The following ROBO1 variants were observed in gnomAD, a reference collection of about 807,000 sequenced individuals.
The protein encoded by ROBO1 is roundabout homolog 1.
In ROBO1, 149 loss-of-function variants were observed where a neutral mutation model predicts 195.9. That is an observed-to-expected ratio of 0.76 (90% CI 0.67 to 0.87). The LOEUF (loss-of-function observed/expected upper bound fraction) is 0.87. ROBO1 is among the 40% of genes least tolerant of loss of function. ROBO1 has a pLI of 0.00. For missense variants in ROBO1, 1,933 were observed against 2,068.3 expected (o/e 0.93, Z 1.27); for synonymous variants, 816 against 733.2 (o/e 1.11, Z -1.82).
chr3:78,825,951 A>G (rs1416645106), intron 4 of ROBO1, among the ~76,000 whole-genome samples: 1 of 152,198 alleles, frequency 6.6e-6, no homozygotes, highest in Non-Finnish European at 1.5e-5. Flanking sequence ...TTACTACTGG[A>G]AGAAAACATT....
chr3:78,944,969 G>A (rs1310152097), intron 3 of ROBO1, among the ~76,000 whole-genome samples: 4 of 152,186 alleles, frequency 2.6e-5, no homozygotes, highest in Non-Finnish European at 4.4e-5. Context: ...TTGGGGAGGG[G>A]TGCCCGCCAT....
intron 3 of ROBO1, among the ~76,000 whole-genome samples, chr3:79,052,649 C>A (rs546713423): frequency 6.6e-6 from 1 of 152,212 alleles, no homozygotes; most frequent in African/African-American, 2.4e-5. Flanking sequence ...AAATTTCTCT[C>A]TTTTGTGCTC....
rs776057714 is a variant in ROBO1 at position 78,938,765 on chromosome 3, T to G, written c.335A>C (p.Lys112Thr). 1.1e-5 allele frequency: 18 copies of G among 1,613,954 alleles called. No homozygotes were observed. The highest frequency in any genetic ancestry group is 8.5e-6 in the Non-Finnish European group (10 of 1,179,884). Residue 112 changes from lysine to threonine, a missense_variant, in exon 4 of 31, where the codon AAA (lysine) becomes ACA (threonine). Around this residue, in one of 3 missense-constraint regions of ROBO1, gnomAD observed 185 missense variants for 159.5 expected, o/e 1.16. Coordinates refer to ENST00000464233, the MANE Select transcript of ROBO1 (RefSeq NM_002941.4). ...CATTCGGTGTGAGCGAGGGTCATCTTTGTCTGTCTCCACTCTCTCTCCCCC... is the reference window on the plus strand; with the variant it reads ...CATTCGGTGTGAGCGAGGGTCATCTGTGTCTGTCTCCACTCTCTCTCCCCC... ...YKGGERVETD[K>T]DDPRSHRMLL...
intron 4 of ROBO1, among the ~76,000 whole-genome samples, chr3:78,780,466 T>C (rs74814739): frequency 6.6e-6 from 1 of 152,114 alleles, no homozygotes; most frequent in Non-Finnish European, 1.5e-5. Flanking sequence ...ATTTTTTTTT[T>C]CATTCCATAT....
At chr3:79,685,073 T>C (rs559601877) in intron 1 of ROBO1, among the ~76,000 whole-genome samples, 1 of 152,330 alleles carries the variant, frequency 6.6e-6, no homozygotes, top group East Asian at 1.9e-4. Flanking sequence ...AGTTTCCGTT[T>C]ATTTGTATAG....
intron 2 of ROBO1, among the ~76,000 whole-genome samples, chr3:79,301,636 T>C (rs2032962729): frequency 6.6e-6 from 1 of 152,198 alleles, no homozygotes; most frequent in Non-Finnish European, 1.5e-5. Context: ...TGGAAACTTC[T>C]AATAAATGTC....
At chr3:79,189,459 T>A (rs961572868) in intron 2 of ROBO1, among the ~76,000 whole-genome samples, 2 of 151,812 alleles carry the variant, frequency 1.3e-5, no homozygotes, top group Non-Finnish European at 2.9e-5. Context: ...TCTATGCTGC[T>A]GCTCCTAAGA....
chr3:78,862,317 T>C (rs1309525760), intron 4 of ROBO1, among the ~76,000 whole-genome samples: 6 of 151,884 alleles, frequency 4.0e-5, no homozygotes, highest in African/African-American at 1.5e-4. Flanking sequence ...AGAAAAAAAA[T>C]AGGAAACTCA....
At chr3:78,760,828 A>AG (rs139261920) in intron 4 of ROBO1, among the ~76,000 whole-genome samples, 11 of 151,624 alleles carry the variant, frequency 7.3e-5, no homozygotes, top group South Asian at 2.1e-4. Context: ...TTTTGTAGAG[A>AG]GGGGGGTCTA....
intron 2 of ROBO1, among the ~76,000 whole-genome samples, chr3:79,218,539 T>C (rs2082089190): frequency 6.6e-6 from 1 of 151,994 alleles, no homozygotes; most frequent in Non-Finnish European, 1.5e-5. Flanking sequence ...TTATAATAAA[T>C]TTATAGTATA....
chr3:79,574,650 A>T (rs1943392039), intron 2 of ROBO1, among the ~76,000 whole-genome samples: 2 of 151,898 alleles, frequency 1.3e-5, no homozygotes, highest in South Asian at 4.1e-4. Context: ...ATCTAACACT[A>T]TGTTTTGTTT....
chr3:78,627,213 A>G, intron 26 of ROBO1, 108 bp downstream of exon 26: 1 of 1,243,676 alleles, frequency 8.0e-7, no homozygotes, highest in East Asian at 2.5e-5. Context: ...TACTGCCAGA[A>G]AAGGCTTATG....
intron 4 of ROBO1, among the ~76,000 whole-genome samples, chr3:78,907,215 T>C (rs566554149): frequency 2.2e-4 from 34 of 152,168 alleles, no homozygotes; most frequent in African/African-American, 7.5e-4. Flanking sequence ...GAATAGGTCC[T>C]TTACCCATGC....
intron 3 of ROBO1, among the ~76,000 whole-genome samples, chr3:79,022,782 T>C (rs920855013): frequency 3.9e-5 from 6 of 152,158 alleles, no homozygotes; most frequent in Non-Finnish European, 8.8e-5. Flanking sequence ...ATTTAGAGTC[T>C]ATGAAATTCA....
intron 2 of ROBO1, among the ~76,000 whole-genome samples, chr3:79,320,177 G>A (rs544423117): frequency 6.6e-6 from 1 of 152,288 alleles, no homozygotes; most frequent in African/African-American, 2.4e-5. Flanking sequence ...TTCTGCTGAG[G>A]AGCCTCTTCT....
chr3:79,404,617 G>A (rs2037479140), intron 2 of ROBO1, among the ~76,000 whole-genome samples: 1 of 152,074 alleles, frequency 6.6e-6, no homozygotes, highest in South Asian at 2.1e-4. Flanking sequence ...TGCACTGAAG[G>A]CCACTCATGT....
At chr3:79,167,319 G>T (rs1317392945) in intron 2 of ROBO1, among the ~76,000 whole-genome samples, 5 of 152,038 alleles carry the variant, frequency 3.3e-5, no homozygotes, top group Non-Finnish European at 5.9e-5. Context: ...AATTCCAGAA[G>T]TTGCAAGGCA....
At chr3:79,166,220 T>C (rs2081060450) in intron 2 of ROBO1, among the ~76,000 whole-genome samples, 1 of 152,162 alleles carries the variant, frequency 6.6e-6, no homozygotes, top group African/African-American at 2.4e-5. Context: ...CACAGAAAAT[T>C]ACATACTTAA....
intron 2 of ROBO1, among the ~76,000 whole-genome samples, chr3:79,357,899 T>C (rs1173217265): frequency 6.6e-6 from 1 of 152,102 alleles, no homozygotes; most frequent in African/African-American, 2.4e-5. Context: ...CATTTGCGGA[T>C]TAGTGGAAAC....
Sources: gnomAD v4.1 joint callset for allele counts (sites outside exome capture counted in the v4.1 genomes callset) on GRCh38, gnomAD v4.1.1 for gene constraint, gnomAD v4.1.1 regional missense constraint, MANE v1.5 for transcripts, NCBI Gene and HGNC (gene_info 2026-07-23, HGNC 2026-07-21) for gene names.